VAV1: variants seen among roughly 807,000 people sequenced by gnomAD.
VAV1 encodes the protein proto-oncogene vav.
VAV1 carries 33 observed loss-of-function variants against 128.1 expected under a neutral mutation model. That is an observed-to-expected ratio of 0.26 (90% CI 0.20 to 0.34). The LOEUF (loss-of-function observed/expected upper bound fraction) is 0.34. Ranked by LOEUF, VAV1 falls within the 10% of genes least tolerant of loss-of-function variation. The pLI, the probability that VAV1 is intolerant of heterozygous loss-of-function variation, is 1.00. For missense variants in VAV1, 715 were observed against 1,093.7 expected, an observed-to-expected ratio of 0.65 and a Z score of 4.88; for synonymous variants, 394 against 409.8, an observed-to-expected ratio of 0.96 and a Z score of 0.47.
At chr19:6,789,502 T>C (rs7245566) in intron 1 of VAV1, among the ~76,000 whole-genome samples, 37,950 of 151,954 alleles carry the variant, frequency 0.25, 5,462 homozygotes, top group African/African-American at 0.4. Flanking sequence ...CCACCTGCCT[T>C]GGCCTCCCAA....
chr19:6,801,992 C>T (rs1033949216), intron 1 of VAV1, among the ~76,000 whole-genome samples: 2 of 151,072 alleles, frequency 1.3e-5, no homozygotes, highest in Non-Finnish European at 2.9e-5. Flanking sequence ...GGAAGAGGGG[C>T]ACTGAGGGGG....
chr19:6,831,250 T>C (rs1972046238), intron 14 of VAV1, among the ~76,000 whole-genome samples: 1 of 152,156 alleles, frequency 6.6e-6, no homozygotes, highest in African/African-American at 2.4e-5. Flanking sequence ...CTTTTTCTCC[T>C]GTGAACTCTT....
chr19:6,787,018 C>CTTTTT, intron 1 of VAV1, among the ~76,000 whole-genome samples: 2 of 124,710 alleles, frequency 1.6e-5, no homozygotes, highest in Admixed American at 7.6e-5. Flanking sequence ...GACACGCTGT[C>CTTTTT]TATTTTTTTT....
At chr19:6,847,575 C>A (rs2144821909) in intron 22 of VAV1, among the ~76,000 whole-genome samples, 1 of 152,208 alleles carries the variant, frequency 6.6e-6, no homozygotes, top group South Asian at 2.1e-4. Context: ...TGTCATTTAC[C>A]TTGATGACTA....
intron 1 of VAV1, among the ~76,000 whole-genome samples, chr19:6,798,597 G>A (rs1215567553): frequency 6.6e-6 from 1 of 152,136 alleles, no homozygotes; most frequent in Non-Finnish European, 1.5e-5. Context: ...AGGCTGCAGT[G>A]AGCCAGGATT....
At chr19:6,821,263 T>G (rs554761489) in intron 2 of VAV1, among the ~76,000 whole-genome samples, 6 of 151,876 alleles carry the variant, frequency 4.0e-5, no homozygotes, top group Admixed American at 6.6e-5. Flanking sequence ...TAGCTGGGTG[T>G]GGTGGCCGGC....
In VAV1 at chr19:6,772,965, A is replaced by G. The variant is rs768101725; in HGVS notation, c.158A>G (p.His53Arg). 7 of 1,613,928 alleles carry G rather than the reference A, an allele frequency of 4.3e-6. No homozygotes were observed. Among genetic ancestry groups the G allele is most frequent in the Non-Finnish European group, 5.9e-6 (7 of 1,179,994 alleles). The change falls in exon 1 of 27, where the codon CAT becomes CGT. Residue 53 changes from histidine (H) to arginine (R), a missense_variant. This residue lies in a region of VAV1 where 302 missense variants were observed against 477.8 expected (regional missense o/e 0.63). Transcript: ENST00000602142. The surrounding 1 kb of genome is among the most constrained non-coding windows in gnomAD (Gnocchi z 4.8). ...LCQLLNNLLP[H>R]AINLREVNLR... ...CAGCTGCTTAACAACCTGCTACCCC[A>G]TGCCATCAACCTGCGTGAGGTCAAC... is the stretch of plus-strand genomic sequence containing the variant.
chr19:6,827,768 T>TG (rs1026758395), intron 9 of VAV1, among the ~76,000 whole-genome samples: 3 of 150,784 alleles, frequency 2.0e-5, no homozygotes, highest in African/African-American at 7.3e-5. Flanking sequence ...CAGCTATTTT[T>TG]TTTTTTTTCA....
rs1378848011 is a variant in VAV1, at chr19:6,857,106, G to C, written c.2537G>C (p.Ter846SerextTer59). Reference protein sequence around the residue: ...YVEEDYSEYC* With the variant: ...YVEEDYSEYCS ...GAGGAAGATTATTCTGAATACTGCT[G>C]AGCCCTGGTGCCTTGGCAGAGAGAC... The change falls in exon 27 of 27, where the codon TGA becomes TCA. Residue 846 changes from the stop codon to serine, a stop_lost. Transcript: ENST00000602142. The C allele has an allele frequency of 1.9e-6, 3 of 1,613,970 alleles. No homozygotes were observed. Among genetic ancestry groups the C allele is most frequent in the Non-Finnish European group, 2.5e-6 (3 of 1,180,006 alleles).
chr19:6,811,171 G>C (rs1971504679), intron 1 of VAV1, among the ~76,000 whole-genome samples: 2 of 152,086 alleles, frequency 1.3e-5, no homozygotes, highest in Admixed American at 1.3e-4. Flanking sequence ...AAGTAGCTGG[G>C]ATTACAGGCA....
intron 1 of VAV1, among the ~76,000 whole-genome samples, chr19:6,794,164 T>C (rs1971077380): frequency 7.0e-6 from 1 of 143,074 alleles, no homozygotes; most frequent in Admixed American, 6.9e-5. Context: ...TGTCACTCAT[T>C]GATAAATGAC....
chr19:6,848,192 A>G, intron 23 of VAV1, 78 bp downstream of exon 23: 1 of 1,389,276 alleles, frequency 7.2e-7, no homozygotes, highest in Non-Finnish European at 9.6e-7. Flanking sequence ...TCCAGGTTTT[A>G]CTTTATAGAA....
intron 1 of VAV1, among the ~76,000 whole-genome samples, chr19:6,789,321 C>T (rs902960018): frequency 2.6e-5 from 4 of 151,042 alleles, no homozygotes; most frequent in Non-Finnish European, 5.9e-5. Flanking sequence ...GGCGCGATCT[C>T]GTCTCACTGC....
At chr19:6,815,765 A>G (rs973452169) in intron 1 of VAV1, among the ~76,000 whole-genome samples, 8 of 152,110 alleles carry the variant, frequency 5.3e-5, no homozygotes, top group Non-Finnish European at 7.4e-5. Flanking sequence ...TAATAATATG[A>G]CTTACCTTGA....
chr19:6,803,930 C>T (rs900865987), intron 1 of VAV1, among the ~76,000 whole-genome samples: 5 of 152,002 alleles, frequency 3.3e-5, no homozygotes, highest in Admixed American at 1.3e-4. Flanking sequence ...TGAAGAGACA[C>T]GCAGGAACCC....
rs1309944395 is a variant in VAV1, at chr19:6,775,497, A to C, written c.204+2486A>C. Among the ~76,000 whole-genome samples the C allele has an allele frequency of 2.0e-5, 3 of 152,204 alleles. No individual in the cohort carries two copies. The East Asian group carries it at 5.8e-4, about 29-fold the overall frequency. ...CCCAGATGGGGTCAGGCTTTATGCA[A>C]GAGGGGACATTTGTGCTGGGGTTTT... On this transcript the variant is annotated intron_variant, in intron 1 of 26. Coordinates refer to ENST00000602142, the MANE Select transcript of VAV1 (RefSeq NM_005428.4).
chr19:6,855,333 A>T (rs1409090363), intron 26 of VAV1, among the ~76,000 whole-genome samples: 1 of 152,194 alleles, frequency 6.6e-6, no homozygotes, highest in Non-Finnish European at 1.5e-5. Context: ...AGGCTTTGAG[A>T]GAGGCTTTTG....
chr19:6,854,661 G>C (rs1027570997), intron 26 of VAV1, among the ~76,000 whole-genome samples: 25 of 152,088 alleles, frequency 1.6e-4, no homozygotes, highest in African/African-American at 5.8e-4. Flanking sequence ...GCTGCAGTGA[G>C]CTATGATTGT....
At chr19:6,773,820 G>T (rs59147975) in intron 1 of VAV1, among the ~76,000 whole-genome samples, 65,609 of 151,948 alleles carry the variant, frequency 0.43, 14,596 homozygotes, top group South Asian at 0.54. Context: ...GCATTATGTT[G>T]CTGTAGCATC....
Sources: allele counts gnomAD v4.1 joint callset (sites outside exome capture counted in the v4.1 genomes callset), GRCh38; gene constraint gnomAD v4.1.1; regional missense constraint gnomAD v4.1.1; non-coding constraint Gnocchi (gnomAD v3.1); transcripts MANE v1.5; gene names NCBI Gene and HGNC (gene_info 2026-07-23, HGNC 2026-07-21).